TENM2: variants seen among roughly 807,000 people sequenced by gnomAD.
TENM2 encodes the protein teneurin transmembrane protein 2.
Under a neutral mutation model 245.2 loss-of-function variants are expected in TENM2, and 52 were observed. The ratio of observed to expected loss-of-function variants is 0.21; its 90% CI spans 0.17 to 0.27. The LOEUF (loss-of-function observed/expected upper bound fraction) is 0.27, where lower values mean the gene tolerates loss of function less well. Among genes scored for constraint, TENM2 ranks in the 10% least tolerant of loss-of-function variants. The pLI is 1.00. For synonymous variants in TENM2, 1,363 were observed against 1,438.9 expected, an observed-to-expected ratio of 0.95 and a Z score of 1.19; for missense variants, 3,046 against 3,666.8, an observed-to-expected ratio of 0.83 and a Z score of 4.37.
chr5:168,105,068 A>T (rs964155198), intron 9 of TENM2, among the ~76,000 whole-genome samples: 1 of 152,220 alleles, frequency 6.6e-6, no homozygotes. Context: ...TGCCATAGAC[A>T]TTCCAAAGGA....
chr5:167,041,923 G>A, the TENM2 span, among the ~76,000 whole-genome samples: 1 of 152,218 alleles, frequency 6.6e-6, no homozygotes, highest in East Asian at 1.9e-4. Context: ...GTGTGAGCTT[G>A]CAGCAAGGGA....
At chr5:167,246,637 G>A in the TENM2 span, among the ~76,000 whole-genome samples, 1 of 152,040 alleles carries the variant, frequency 6.6e-6, no homozygotes, top group Non-Finnish European at 1.5e-5. Flanking sequence ...ATTCTTTTGT[G>A]CCTTGAAAAA....
chr5:167,209,138 A>G, the TENM2 span, among the ~76,000 whole-genome samples: 3 of 152,154 alleles, frequency 2.0e-5, no homozygotes, highest in Non-Finnish European at 4.4e-5. Context: ...CTTTTTCCTT[A>G]TGTGTCAAAT....
chr5:168,193,107 G>A (rs1761098008), intron 14 of TENM2, among the ~76,000 whole-genome samples: 1 of 152,206 alleles, frequency 6.6e-6, no homozygotes, highest in East Asian at 1.9e-4. Context: ...TTGCTTTAGA[G>A]AAAGCGTCTC....
the TENM2 span, among the ~76,000 whole-genome samples, chr5:167,049,948 T>C: frequency 2.0e-5 from 3 of 152,160 alleles, no homozygotes; most frequent in Non-Finnish European, 4.4e-5. Flanking sequence ...AAAATAACAG[T>C]AAGCATGAGA....
chr5:168,085,423 G>A (rs1374395739), intron 7 of TENM2: 1 of 152,218 alleles, frequency 6.6e-6, no homozygotes, highest in Non-Finnish European at 1.5e-5. Context: ...TGCAGATGCT[G>A]TTTCCTGTCC....
intron 2 of TENM2, among the ~76,000 whole-genome samples, chr5:167,428,096 T>C (rs1763987560): frequency 6.6e-6 from 1 of 152,240 alleles, no homozygotes; most frequent in African/African-American, 2.4e-5. Context: ...ACTATTAATT[T>C]ATGCAAGTCT....
At position 168,247,586 on chromosome 5, in the gene TENM2, T is replaced by G; in HGVS notation, c.6647T>G (p.Val2216Gly). The G allele has an allele frequency of 2.5e-6, 4 of 1,613,004 alleles. No individual in the cohort carries two copies. Among genetic ancestry groups the G allele is most frequent in the Non-Finnish European group, 3.4e-6 (4 of 1,179,042 alleles). The change falls in exon 27 of 29, where the codon GTC becomes GGC. Residue 2216 changes from valine (V) to glycine (G), a missense_variant. Val to Gly is a moderately radical substitution (Grantham distance 109). Coordinates refer to ENST00000518659, the Ensembl canonical transcript of TENM2. The surrounding 1 kb of genome is among the most constrained non-coding windows in gnomAD (Gnocchi z 7.8). ...GACGGGCAGCTCCAGAGCGTGGCCG[T>G]CAATGACCGCCCGACCTGGCGCTAC...
the TENM2 span, among the ~76,000 whole-genome samples, chr5:167,223,697 T>A: frequency 2.0e-5 from 3 of 152,266 alleles, no homozygotes; most frequent in Middle Eastern, 3.4e-3. Context: ...TTCCTCTGAA[T>A]AAATATCCAG....
At chr5:168,195,394 G>A (rs1256537708) in intron 15 of TENM2, 99 bp downstream of exon 17, 10 of 1,401,558 alleles carry the variant, frequency 7.1e-6, no homozygotes, top group African/African-American at 1.4e-5. Flanking sequence ...TCCCCCTGGT[G>A]GACTGGAATG....
chr5:167,432,520 G>A (rs1764310950), intron 2 of TENM2, among the ~76,000 whole-genome samples: 1 of 151,612 alleles, frequency 6.6e-6, no homozygotes, highest in South Asian at 2.1e-4. Flanking sequence ...CTGTTGGAAC[G>A]CTTATTTTAT....
chr5:167,140,378 G>A, the TENM2 span, among the ~76,000 whole-genome samples: 1 of 151,996 alleles, frequency 6.6e-6, no homozygotes, highest in Admixed American at 6.6e-5. Flanking sequence ...TCAAATAGTA[G>A]GTCTTATTCA....
chr5:168,071,144 C>G (rs1448408951), intron 7 of TENM2, among the ~76,000 whole-genome samples: 1 of 152,168 alleles, frequency 6.6e-6, no homozygotes, highest in African/African-American at 2.4e-5. Flanking sequence ...AGTCATTCAG[C>G]CTTTCTGTGC....
intron 9 of TENM2, among the ~76,000 whole-genome samples, chr5:168,108,953 A>C (rs76574514): frequency 6.6e-6 from 1 of 152,090 alleles, no homozygotes; most frequent in Non-Finnish European, 1.5e-5. Flanking sequence ...TTCTCTCTCC[A>C]TGAAGGAGGC....
intron 2 of TENM2, among the ~76,000 whole-genome samples, chr5:167,613,325 A>T (rs2127754066): frequency 6.6e-6 from 1 of 151,960 alleles, no homozygotes; most frequent in South Asian, 2.1e-4. Flanking sequence ...TTATCATCAC[A>T]AACCAGGGCT....
intron 2 of TENM2, among the ~76,000 whole-genome samples, chr5:167,414,444 G>A (rs1763063446): frequency 6.6e-6 from 1 of 152,118 alleles, no homozygotes; most frequent in Admixed American, 6.6e-5. Context: ...GTGTGTCCAT[G>A]TAATATAGAT....
chr5:167,439,114 C>T (rs941576458), intron 2 of TENM2, among the ~76,000 whole-genome samples: 5 of 152,122 alleles, frequency 3.3e-5, no homozygotes, highest in Non-Finnish European at 7.3e-5. Context: ...TACACATATG[C>T]CATGTGAGAG....
chr5:167,441,414 G>A (rs1449731926), intron 2 of TENM2, among the ~76,000 whole-genome samples: 1 of 152,090 alleles, frequency 6.6e-6, no homozygotes, highest in African/African-American at 2.4e-5. Context: ...AAGTAAAATT[G>A]CTCTATAACG....
At chr5:167,993,055 C>T in exon 5 of TENM2, 3 of 1,614,010 alleles carry the variant, frequency 1.9e-6, no homozygotes, top group Non-Finnish European at 2.5e-6. Context: ...GCCTGCTGCC[C>T]AGGAATACTT....
Sources: allele counts gnomAD v4.1 joint callset (sites outside exome capture counted in the v4.1 genomes callset), GRCh38; gene constraint gnomAD v4.1.1; non-coding constraint Gnocchi (gnomAD v3.1); transcripts MANE v1.5; gene names NCBI Gene and HGNC (gene_info 2026-07-23, HGNC 2026-07-21).